The following KIAA2012 variants were observed in gnomAD, a reference collection of about 807,000 sequenced individuals.
KIAA2012 encodes the protein uncharacterized protein KIAA2012.
In KIAA2012, 125 loss-of-function variants were observed where a neutral mutation model predicts 150.6. The ratio of observed to expected loss-of-function variants is 0.83; its 90% CI spans 0.72 to 0.96. The LOEUF (loss-of-function observed/expected upper bound fraction) is 0.96, where lower values mean the gene tolerates loss of function less well. Among genes scored for constraint, KIAA2012 ranks in the 40% least tolerant of loss-of-function variants. KIAA2012 has a pLI of 0.00. For synonymous variants in KIAA2012, 462 were observed against 504.7 expected (o/e 0.92, Z 1.13); for missense variants, 1,219 against 1,354.9 (o/e 0.90, Z 1.57).
rs1293589440 is a variant in KIAA2012 at position 202,075,138 on chromosome 2, A to G, written c.332A>G (p.Asp111Gly). Residue 111 changes from aspartate to glycine, a missense_variant, in exon 2 of 24, where the codon GAC (aspartate) becomes GGC (glycine). Coordinates refer to ENST00000498697, the MANE Select transcript of KIAA2012 (RefSeq NM_001277372.4). ...GATCTTGAACTGCACACACTTCAAG[A>G]CCTCAAAGAAGCCATCCTGGCATAT... ...KLDLELHTLQ[D>G]LKEAILAYGR... The G allele has an allele frequency of 6.5e-7, 1 of 1,548,656 alleles. No individual in the cohort carries two copies. Among genetic ancestry groups the G allele is most frequent in the African/African-American group, 1.4e-5 (1 of 72,882 alleles).
chr2:202,188,523 T>C (rs1453420545), intron 18 of KIAA2012, among the ~76,000 whole-genome samples: 1 of 152,216 alleles, frequency 6.6e-6, no homozygotes, highest in African/African-American at 2.4e-5. Context: ...ATTTACTGAA[T>C]ACCTACTCTT....
rs373216364 is a variant in KIAA2012 at position 202,196,883 on chromosome 2, C to G, written c.3271C>G (p.Arg1091Gly). Residue 1091 changes from arginine to glycine, a missense_variant, in exon 22 of 24, where the codon CGA (arginine) becomes GGA (glycine). Arg to Gly is a moderately radical substitution (Grantham distance 125). Coordinates refer to ENST00000498697, the MANE Select transcript of KIAA2012 (RefSeq NM_001277372.4). ...KHLMEMAEEERLEYQRRKQEA... is the reference protein window; with the variant it reads ...KHLMEMAEEEGLEYQRRKQEA... ...CCTGATGGAAATGGCTGAAGAGGAA[C>G]GACTGGAGTACCAGCGGCGGAAACA... The G allele has an allele frequency of 3.3e-5, 51 of 1,550,686 alleles. 2 individuals carry two copies. The highest frequency in any genetic ancestry group is 2.4e-4 in the Admixed American group (12 of 50,998).
chr2:202,201,838 G>C (rs1692534298), intron 22 of KIAA2012: 1 of 1,284,228 alleles, frequency 7.8e-7, no homozygotes, highest in Admixed American at 1.7e-5. Context: ...TTCCCAGGAG[G>C]CTGCACAGGC....
chr2:202,111,509 C>CAAAAAAA (rs71025277), intron 10 of KIAA2012, among the ~76,000 whole-genome samples: 1 of 57,628 alleles, frequency 1.7e-5, no homozygotes, highest in East Asian at 6.0e-4. Flanking sequence ...GACTCTGTCT[C>CAAAAAAA]AAAAAAAAAA....
At position 202,151,678 on chromosome 2, in the gene KIAA2012, C is replaced by T. The variant is rs144441864; in HGVS notation, c.1909-2995C>T. On this transcript the variant is annotated intron_variant, in intron 13 of 23. Coordinates refer to ENST00000498697, the MANE Select transcript of KIAA2012 (RefSeq NM_001277372.4). Reference sequence around the variant, plus strand: ...TTGTTTGTCTGACACATAGTAGGCACTTAATAAATATCAGTTTAATGGATA... The same window carrying T: ...TTGTTTGTCTGACACATAGTAGGCATTTAATAAATATCAGTTTAATGGATA... Among the ~76,000 whole-genome samples the T allele has an allele frequency of 3.6e-4, 55 of 152,310 alleles. 1 individual carries two copies. The highest frequency in any genetic ancestry group is 7.5e-4 in the African/African-American group (31 of 41,566).
intron 15 of KIAA2012, among the ~76,000 whole-genome samples, chr2:202,170,678 G>A (rs143337285): frequency 4.8e-4 from 73 of 152,308 alleles, no homozygotes; most frequent in African/African-American, 1.7e-3. Context: ...CCAGACCGGG[G>A]CAGAAATCTG....
intron 2 of KIAA2012, among the ~76,000 whole-genome samples, chr2:202,082,277 C>A (rs1394487231): frequency 6.6e-6 from 1 of 152,086 alleles, no homozygotes; most frequent in Non-Finnish European, 1.5e-5. Context: ...ATCACTTGAG[C>A]CCAAGAGATC....
At chr2:202,186,748 G>A (rs990168658) in intron 16 of KIAA2012, among the ~76,000 whole-genome samples, 185 bp from the exon 17 acceptor site, 18 of 152,210 alleles carry the variant, frequency 1.2e-4, no homozygotes, top group African/African-American at 4.3e-4. Flanking sequence ...AATCCCTAAA[G>A]TGAAGACCAA....
At chr2:202,132,310 A>C (rs1690949701) in intron 12 of KIAA2012, among the ~76,000 whole-genome samples, 1 of 152,200 alleles carries the variant, frequency 6.6e-6, no homozygotes, top group South Asian at 2.1e-4. Context: ...CTGGATTGGA[A>C]GAGATAAGAC....
intron 15 of KIAA2012, among the ~76,000 whole-genome samples, chr2:202,168,080 G>A (rs1339633998): frequency 6.6e-6 from 1 of 151,926 alleles, no homozygotes. Context: ...TATCTCATGG[G>A]GTGGTTGTGA....
chr2:202,168,612 G>T, intron 15 of KIAA2012, among the ~76,000 whole-genome samples: 1 of 152,018 alleles, frequency 6.6e-6, no homozygotes, highest in Non-Finnish European at 1.5e-5. Flanking sequence ...GGGTATTGGG[G>T]GTGCTTTTGG....
chr2:202,163,639 C>T (rs1691701025), intron 14 of KIAA2012, among the ~76,000 whole-genome samples: 1 of 152,118 alleles, frequency 6.6e-6, no homozygotes, highest in Admixed American at 6.5e-5. Flanking sequence ...GAAGTTTGAT[C>T]CTTCTTGGCA....
intron 14 of KIAA2012, among the ~76,000 whole-genome samples, chr2:202,164,483 G>A (rs903561900): frequency 6.6e-6 from 1 of 152,202 alleles, no homozygotes; most frequent in African/African-American, 2.4e-5. Flanking sequence ...GGGATTGCAA[G>A]CAGCTTGTAT....
chr2:202,196,280 C>T (rs1692413305), intron 21 of KIAA2012, among the ~76,000 whole-genome samples: 1 of 147,574 alleles, frequency 6.8e-6, no homozygotes, highest in African/African-American at 2.5e-5. Context: ...CTGCAAGCTC[C>T]GCCTCCCAGG....
At chr2:202,159,364 A>C (rs1574297858) in intron 14 of KIAA2012, among the ~76,000 whole-genome samples, 1 of 148,962 alleles carries the variant, frequency 6.7e-6, no homozygotes, top group East Asian at 2.0e-4. Context: ...AATATGTATG[A>C]GTGTGTTCTA....
At chr2:202,108,528 T>G (rs1177366090) in intron 9 of KIAA2012, among the ~76,000 whole-genome samples, 1 of 152,202 alleles carries the variant, frequency 6.6e-6, no homozygotes, top group Admixed American at 6.5e-5. Flanking sequence ...AGTCCCCCAG[T>G]CTTGTTTTTC....
At chr2:202,119,931 T>C (rs1243566689) in intron 11 of KIAA2012, among the ~76,000 whole-genome samples, 1 of 152,198 alleles carries the variant, frequency 6.6e-6, no homozygotes, top group African/African-American at 2.4e-5. Context: ...GGCAGCTCTT[T>C]CCTGTGCTGT....
At chr2:202,176,062 T>G (rs1205833951) in intron 15 of KIAA2012, among the ~76,000 whole-genome samples, 1 of 152,200 alleles carries the variant, frequency 6.6e-6, no homozygotes, top group Non-Finnish European at 1.5e-5. Context: ...AAATATCAGG[T>G]GTATTCAGGA....
chr2:202,121,780 C>T (rs1420552092), intron 11 of KIAA2012, among the ~76,000 whole-genome samples: 4 of 152,138 alleles, frequency 2.6e-5, no homozygotes, highest in Non-Finnish European at 4.4e-5. Context: ...TCAGAGTCGA[C>T]GTGGAGAACA....
Sources: allele counts gnomAD v4.1 joint callset (sites outside exome capture counted in the v4.1 genomes callset), GRCh38; gene constraint gnomAD v4.1.1; transcripts MANE v1.5; gene names NCBI Gene and HGNC (gene_info 2026-07-23, HGNC 2026-07-21).